DCDC1: variants seen among roughly 807,000 people sequenced by gnomAD.
DCDC1 encodes the protein doublecortin domain containing 1, also known as doublecortin domain-containing protein 1.
Under a neutral mutation model 178.3 loss-of-function variants are expected in DCDC1, and 200 were observed. The observed-to-expected ratio is 1.12, with a 90% CI of 1.00 to 1.26. DCDC1 has a LOEUF of 1.26. Ranked by LOEUF, DCDC1 falls within the 50% of genes most tolerant of loss-of-function variation. The pLI is 0.00. For missense variants in DCDC1, 1,983 were observed against 1,749.2 expected (o/e 1.13, Z -2.38); for synonymous variants, 690 against 604.8 (o/e 1.14, Z -2.07).
At chr11:31,273,906 C>A (rs1322658573) in intron 7 of DCDC1, among the ~76,000 whole-genome samples, 1 of 152,126 alleles carries the variant, frequency 6.6e-6, no homozygotes, top group Non-Finnish European at 1.5e-5. Context: ...AGAGAGAGAG[C>A]TTGTGCAGGG....
intron 10 of DCDC1, among the ~76,000 whole-genome samples, chr11:31,135,271 T>C (rs1183769103): frequency 1.3e-5 from 2 of 152,196 alleles, no homozygotes; most frequent in East Asian, 1.9e-4. Context: ...AATTTTTCCT[T>C]TCTCTTTTCC....
chr11:31,093,559 T>C (rs1957946413), intron 16 of DCDC1, among the ~76,000 whole-genome samples: 1 of 152,214 alleles, frequency 6.6e-6, no homozygotes, highest in South Asian at 2.1e-4. Flanking sequence ...GTGAAAAATA[T>C]TAAATATTAC....
chr11:31,110,270 A>G lies in DCDC1; in HGVS notation c.1577T>C (p.Met526Thr), dbSNP rs542172998. 3.8e-4 allele frequency: 275 copies of G among 716,334 alleles called. 4 individuals are homozygous for G. In the South Asian group the frequency reaches 3.9e-3, roughly 10 times the overall value. 44.4% of individuals were successfully genotyped at this position (716,334 alleles called of 1,614,324 possible). ...TGTCAGTAAACTCACTCTTTCCATC[A>G]TATGGTCAGTTTGAATTGGGCTATC... ...GSDSPIQTDHMMERLLLKIHQ... is the reference protein window; with the variant it reads ...GSDSPIQTDHTMERLLLKIHQ... The change falls in exon 12 of 39, where the codon ATG becomes ACG. Residue 526 changes from methionine (M) to threonine (T), a missense_variant. Transcript: ENST00000684477.
chr11:31,250,413 C>CAT (rs1565496380), intron 8 of DCDC1, among the ~76,000 whole-genome samples: 27 of 93,100 alleles, frequency 2.9e-4, no homozygotes, highest in African/African-American at 1.4e-3. Flanking sequence ...CACACACACA[C>CAT]ACATATACAT....
At chr11:31,117,365 G>A (rs940047225) in intron 11 of DCDC1, among the ~76,000 whole-genome samples, 1 of 143,488 alleles carries the variant, frequency 7.0e-6, no homozygotes, top group South Asian at 2.4e-4. Context: ...TTCCAAGAAA[G>A]AATTTTGATT....
chr11:31,331,909 T>G (rs1054273046), intron 2 of DCDC1, among the ~76,000 whole-genome samples: 4 of 152,122 alleles, frequency 2.6e-5, no homozygotes, highest in African/African-American at 7.2e-5. Context: ...GAGTTAGGGA[T>G]GATTCCCTCT....
At chr11:31,360,658 T>C (rs565501012) in intron 1 of DCDC1, among the ~76,000 whole-genome samples, 1 of 152,200 alleles carries the variant, frequency 6.6e-6, no homozygotes, top group Non-Finnish European at 1.5e-5. Flanking sequence ...TAACCATGGT[T>C]AACTGAAACC....
At chr11:31,329,842 T>C (rs969043518) in intron 2 of DCDC1, among the ~76,000 whole-genome samples, 1 of 152,192 alleles carries the variant, frequency 6.6e-6, no homozygotes, top group African/African-American at 2.4e-5. Flanking sequence ...CTATTGTGAA[T>C]AGTGCCACAA....
intron 20 of DCDC1, among the ~76,000 whole-genome samples, chr11:31,028,003 A>G (rs1197137884): frequency 6.6e-6 from 1 of 151,832 alleles, no homozygotes. Flanking sequence ...AAGATTTAGA[A>G]AGGCATATCT....
intron 34 of DCDC1, among the ~76,000 whole-genome samples, chr11:30,896,161 T>C (rs1341434724): frequency 6.6e-6 from 1 of 152,258 alleles, no homozygotes; most frequent in Non-Finnish European, 1.5e-5. Flanking sequence ...TACATAGGTA[T>C]GAATAACATA....
At chr11:31,281,651 G>A (rs1229615704) in intron 7 of DCDC1, among the ~76,000 whole-genome samples, 1 of 152,068 alleles carries the variant, frequency 6.6e-6, no homozygotes, top group Non-Finnish European at 1.5e-5. Flanking sequence ...TTGTGGGAGG[G>A]ACACAGTGGG....
intron 29 of DCDC1, 55 bp from the exon 30 acceptor site, chr11:30,906,780 T>G: frequency 6.7e-7 from 1 of 1,486,704 alleles, no homozygotes; most frequent in Non-Finnish European, 9.1e-7. Flanking sequence ...TGTTATAGCA[T>G]TGCTGTAGAA....
chr11:30,884,309 G>A (rs1942975377), intron 36 of DCDC1, among the ~76,000 whole-genome samples: 1 of 152,014 alleles, frequency 6.6e-6, no homozygotes, highest in South Asian at 2.1e-4. Context: ...GAGATTACAG[G>A]CATGGGCCAA....
chr11:31,326,036 T>A (rs1949627827), intron 3 of DCDC1, among the ~76,000 whole-genome samples: 1 of 152,144 alleles, frequency 6.6e-6, no homozygotes, highest in Admixed American at 6.5e-5. Flanking sequence ...ATTTTCTTTT[T>A]CATGAAGGTA....
intron 1 of DCDC1, among the ~76,000 whole-genome samples, chr11:31,347,513 A>G (rs1564915100): frequency 6.6e-6 from 1 of 152,194 alleles, no homozygotes; most frequent in South Asian, 2.1e-4. Flanking sequence ...GACCAAATTA[A>G]CATGTTCATT....
At chr11:31,128,141 C>A (rs1217876337) in intron 10 of DCDC1, among the ~76,000 whole-genome samples, 1 of 151,874 alleles carries the variant, frequency 6.6e-6, no homozygotes, top group East Asian at 1.9e-4. Flanking sequence ...AACCTATTAT[C>A]TTCCTCCCAA....
intron 8 of DCDC1, among the ~76,000 whole-genome samples, chr11:31,265,113 C>G (rs1268234288): frequency 1.3e-5 from 2 of 152,090 alleles, no homozygotes; most frequent in East Asian, 3.9e-4. Flanking sequence ...CATTTCATAA[C>G]TTTTGAATAA....
intron 20 of DCDC1, among the ~76,000 whole-genome samples, chr11:30,995,915 T>G (rs188237950): frequency 1.5e-3 from 234 of 152,110 alleles, no homozygotes; most frequent in Non-Finnish European, 2.7e-3. Flanking sequence ...GAAACAAAAT[T>G]TAAATTAGAC....
At chr11:31,112,203 T>G (rs192328928) in intron 11 of DCDC1, among the ~76,000 whole-genome samples, 89 of 152,332 alleles carry the variant, frequency 5.8e-4, no homozygotes, top group African/African-American at 2.1e-3. Context: ...TCTTAAGAGA[T>G]TCTGTTTTTC....
Sources: gnomAD v4.1 joint callset for allele counts (sites outside exome capture counted in the v4.1 genomes callset) on GRCh38, gnomAD v4.1.1 for gene constraint, MANE v1.5 for transcripts, NCBI Gene and HGNC (gene_info 2026-07-23, HGNC 2026-07-21) for gene names.